NDUFAF2: variants seen among roughly 807,000 people sequenced by gnomAD.
NDUFAF2 encodes the protein NADH dehydrogenase [ubiquinone] 1 alpha subcomplex assembly factor 2.
NDUFAF2 carries 13 observed loss-of-function variants against 22.8 expected under a neutral mutation model. The observed-to-expected ratio is 0.57, with a 90% CI of 0.37 to 0.91. The LOEUF is 0.91. NDUFAF2 is among the 40% of genes least tolerant of loss of function. NDUFAF2 has a pLI of 0.01. For synonymous variants in NDUFAF2, 53 were observed against 64.2 expected, an observed-to-expected ratio of 0.83 and a Z score of 0.84; for missense variants, 162 against 195.2, an observed-to-expected ratio of 0.83 and a Z score of 1.01.
intron 1 of NDUFAF2, among the ~76,000 whole-genome samples, chr5:61,034,247 G>A (rs1294540760): frequency 6.6e-6 from 1 of 152,184 alleles, no homozygotes; most frequent in African/African-American, 2.4e-5. Flanking sequence ...AATGGCTAAA[G>A]GGAGTGCTTT....
intron 1 of NDUFAF2, among the ~76,000 whole-genome samples, chr5:61,003,983 T>C (rs1185703223): frequency 2.0e-5 from 3 of 151,452 alleles, no homozygotes; most frequent in African/African-American, 4.8e-5. Flanking sequence ...TCTGTACTTT[T>C]AGTAAACATC....
At chr5:61,008,760 C>T (rs1202379436) in intron 1 of NDUFAF2, among the ~76,000 whole-genome samples, 2 of 152,016 alleles carry the variant, frequency 1.3e-5, no homozygotes, top group Non-Finnish European at 2.9e-5. Flanking sequence ...CCTTCTCATT[C>T]CAAATCTTAT....
intron 3 of NDUFAF2, among the ~76,000 whole-genome samples, chr5:61,143,827 A>G (rs1335740253): frequency 2.0e-5 from 3 of 152,110 alleles, no homozygotes; most frequent in Non-Finnish European, 4.4e-5. Context: ...TGTGTTTTGA[A>G]CTTCAGTTTG....
chr5:61,132,801 T>G (rs1448443391), intron 3 of NDUFAF2, among the ~76,000 whole-genome samples: 1 of 152,176 alleles, frequency 6.6e-6, no homozygotes, highest in Admixed American at 6.6e-5. Context: ...GAAGTGGATT[T>G]TATTGTTATT....
intron 1 of NDUFAF2, among the ~76,000 whole-genome samples, chr5:60,948,762 C>A (rs1386736559): frequency 6.6e-6 from 1 of 152,048 alleles, no homozygotes; most frequent in Non-Finnish European, 1.5e-5. Context: ...TATGAACATT[C>A]ATGTGTAAGT....
chr5:61,041,251 C>G (rs1401051469), intron 1 of NDUFAF2, among the ~76,000 whole-genome samples: 1 of 152,050 alleles, frequency 6.6e-6, no homozygotes, highest in Non-Finnish European at 1.5e-5. Flanking sequence ...AAGTAATATT[C>G]TTATCTCAAT....
intron 1 of NDUFAF2, among the ~76,000 whole-genome samples, chr5:60,955,058 G>A (rs995570068): frequency 2.0e-5 from 3 of 152,114 alleles, no homozygotes; most frequent in African/African-American, 4.8e-5. Flanking sequence ...CTTTGCAGAA[G>A]TATTTTGGTT....
chr5:61,088,679 A>G (rs779199321), intron 2 of NDUFAF2, among the ~76,000 whole-genome samples: 1 of 152,192 alleles, frequency 6.6e-6, no homozygotes. Context: ...TGCCAACTTA[A>G]TAATATCCCT....
intron 3 of NDUFAF2, among the ~76,000 whole-genome samples, chr5:61,103,265 A>G (rs896104425): frequency 2.6e-5 from 4 of 151,140 alleles, no homozygotes; most frequent in Non-Finnish European, 2.9e-5. Context: ...ACTCTACCCT[A>G]CTCTTCAAGG....
intron 1 of NDUFAF2, among the ~76,000 whole-genome samples, chr5:61,009,595 G>A (rs1324196545): frequency 2.0e-5 from 3 of 152,070 alleles, no homozygotes; most frequent in Non-Finnish European, 4.4e-5. Context: ...TCTTTGAGAA[G>A]TGAAATAAAA....
chr5:61,006,208 C>G (rs1438426429), intron 1 of NDUFAF2, among the ~76,000 whole-genome samples: 1 of 151,932 alleles, frequency 6.6e-6, no homozygotes, highest in Non-Finnish European at 1.5e-5. Context: ...AATCCTTTCC[C>G]CATTTCTTGT....
chr5:61,024,795 A>G (rs1171452664), intron 1 of NDUFAF2, among the ~76,000 whole-genome samples: 3 of 152,156 alleles, frequency 2.0e-5, no homozygotes, highest in Admixed American at 6.6e-5. Context: ...ACATTTTATT[A>G]TTTAAAAAAT....
chr5:61,067,852 C>G (rs976727874), intron 1 of NDUFAF2, among the ~76,000 whole-genome samples: 3 of 152,212 alleles, frequency 2.0e-5, no homozygotes, highest in Non-Finnish European at 4.4e-5. Context: ...GATTGCCATT[C>G]TAACTGGTGT....
chr5:61,013,238 A>T (rs1751462732), intron 1 of NDUFAF2, among the ~76,000 whole-genome samples: 1 of 152,136 alleles, frequency 6.6e-6, no homozygotes, highest in African/African-American at 2.4e-5. Flanking sequence ...TAAATAAAAA[A>T]TATGGTAGTA....
chr5:61,014,146 A>T (rs1258490424), intron 1 of NDUFAF2, among the ~76,000 whole-genome samples: 1 of 152,234 alleles, frequency 6.6e-6, no homozygotes, highest in Non-Finnish European at 1.5e-5. Flanking sequence ...TGAGATTTAC[A>T]GCCTTACCCC....
intron 1 of NDUFAF2, among the ~76,000 whole-genome samples, chr5:61,012,758 T>G (rs1472972297): frequency 6.6e-6 from 1 of 152,078 alleles, no homozygotes; most frequent in Non-Finnish European, 1.5e-5. Context: ...TTTAATAGAA[T>G]TTTTAGCTTT....
intron 1 of NDUFAF2, among the ~76,000 whole-genome samples, chr5:60,955,494 C>T (rs1190304629): frequency 6.6e-6 from 1 of 152,100 alleles, no homozygotes; most frequent in African/African-American, 2.4e-5. Flanking sequence ...TGAAATCAGA[C>T]AGTGTGATGC....
chr5:60,949,218 C>T (rs1750508094), intron 1 of NDUFAF2, among the ~76,000 whole-genome samples: 1 of 152,194 alleles, frequency 6.6e-6, no homozygotes, highest in African/African-American at 2.4e-5. Flanking sequence ...AATCTCTCCT[C>T]ATCCCTAACC....
Position 61,081,147 on chromosome 5 carries a change from C to T in NDUFAF2, c.217+7933C>T, listed in dbSNP as rs1247393464. Among the ~76,000 whole-genome samples, 14 of 152,132 alleles carry T rather than the reference C, an allele frequency of 9.2e-5. 1 individual carries two copies. Among genetic ancestry groups the T allele is most frequent in the South Asian group, 8.3e-4 (4 of 4,822 alleles). ...AGACATCAATTGACTATGGATGTGT[C>T]TATTTCTGCATTTTCTATTCCATCC... On this transcript the variant is annotated intron_variant, in intron 2 of 3. Coordinates refer to ENST00000296597, the MANE Select transcript of NDUFAF2 (RefSeq NM_174889.5).
Sources: gnomAD v4.1 joint callset for allele counts (sites outside exome capture counted in the v4.1 genomes callset) on GRCh38, gnomAD v4.1.1 for gene constraint, MANE v1.5 for transcripts, NCBI Gene and HGNC (gene_info 2026-07-23, HGNC 2026-07-21) for gene names.